Variants in WDPCP observed in about 807,000 individuals in gnomAD.
WDPCP encodes the protein WD repeat-containing and planar cell polarity effector protein fritz homolog.
WDPCP carries 71 observed loss-of-function variants against 93.1 expected under a neutral mutation model. The observed-to-expected ratio is 0.76, with a 90% CI of 0.63 to 0.93. The LOEUF (loss-of-function observed/expected upper bound fraction) is 0.93. Among genes scored for constraint, WDPCP ranks in the 40% least tolerant of loss-of-function variants. The pLI is 0.00. For missense variants in WDPCP, 844 were observed against 887.4 expected (o/e 0.95, Z 0.62); for synonymous variants, 315 against 315.0 (o/e 1.00, Z 0.00).
At chr2:63,126,307 T>C (rs909971319) in intron 17 of WDPCP, among the ~76,000 whole-genome samples, 2 of 152,186 alleles carry the variant, frequency 1.3e-5, no homozygotes, top group African/African-American at 2.4e-5. Context: ...ACTATTTGCA[T>C]GTGTTAAAAA....
chr2:63,407,849 A>C (rs1439435949), intron 9 of WDPCP, among the ~76,000 whole-genome samples: 1 of 152,218 alleles, frequency 6.6e-6, no homozygotes, highest in Non-Finnish European at 1.5e-5. Flanking sequence ...AAAGATTTGC[A>C]AAGGAAGCCT....
intron 17 of WDPCP, among the ~76,000 whole-genome samples, chr2:63,124,549 G>A (rs1236652470): frequency 6.6e-6 from 1 of 152,034 alleles, no homozygotes; most frequent in African/African-American, 2.4e-5. Flanking sequence ...GCTTTGCTTT[G>A]CTATAAACTG....
chr2:63,726,740 T>C (rs765002025), intron 2 of WDPCP, among the ~76,000 whole-genome samples: 3 of 152,182 alleles, frequency 2.0e-5, no homozygotes, highest in Admixed American at 6.5e-5. Context: ...GTAATTCTCA[T>C]TGTAGAGATC....
chr2:63,163,921 ACGC>A (rs1672795811), intron 15 of WDPCP, among the ~76,000 whole-genome samples: 2 of 152,190 alleles, frequency 1.3e-5, no homozygotes, highest in African/African-American at 4.8e-5. Context: ...AAATAAAATC[ACGC>A]CAAAATTTAA....
intron 12 of WDPCP, among the ~76,000 whole-genome samples, chr2:63,365,146 A>G (rs1465379911): frequency 6.6e-6 from 1 of 152,196 alleles, no homozygotes; most frequent in East Asian, 1.9e-4. Flanking sequence ...GTGTTGTTGT[A>G]AGGATTATAT....
At chr2:63,683,904 A>G (rs1434903378) in intron 2 of WDPCP, among the ~76,000 whole-genome samples, 1 of 152,126 alleles carries the variant, frequency 6.6e-6, no homozygotes, top group Non-Finnish European at 1.5e-5. Context: ...AAAGGGGTTA[A>G]TTCAGCAAGA....
chr2:63,837,947 T>C, the WDPCP span, among the ~76,000 whole-genome samples: 4 of 151,894 alleles, frequency 2.6e-5, no homozygotes. Flanking sequence ...CTACTAAAAA[T>C]ACAAAAACTA....
At chr2:63,821,012 A>G (rs963978671) in intron 1 of WDPCP, among the ~76,000 whole-genome samples, 7 of 152,332 alleles carry the variant, frequency 4.6e-5, no homozygotes, top group Non-Finnish European at 8.8e-5. Flanking sequence ...TATTCTTAGA[A>G]GTGAAAATGC....
intron 2 of WDPCP, among the ~76,000 whole-genome samples, chr2:63,764,702 GGGGCTTTCGTTTATTTA>G (rs1427693119): frequency 6.6e-6 from 1 of 152,138 alleles, no homozygotes; most frequent in Non-Finnish European, 1.5e-5. Context: ...TGCTGGTAAA[GGGGCTTTCGTTTATTTA>G]GGGGATGGAC....
chr2:63,429,982 C>T (rs1268672394), intron 9 of WDPCP, among the ~76,000 whole-genome samples: 1 of 57,462 alleles, frequency 1.7e-5, no homozygotes, highest in East Asian at 1.9e-3. Context: ...GTTATACACA[C>T]ACACACACAC....
At chr2:63,698,046 C>T (rs1342750253) in intron 2 of WDPCP, among the ~76,000 whole-genome samples, 2 of 151,976 alleles carry the variant, frequency 1.3e-5, no homozygotes, top group Non-Finnish European at 2.9e-5. Flanking sequence ...ACCTCCACTT[C>T]CTGGGTTCAA....
intron 13 of WDPCP, among the ~76,000 whole-genome samples, chr2:63,297,226 C>G (rs1358919960): frequency 6.6e-6 from 1 of 152,184 alleles, no homozygotes; most frequent in Non-Finnish European, 1.5e-5. Context: ...ATAGCATTTT[C>G]ACTTAACAAC....
At chr2:63,190,978 T>G (rs1389127665) in intron 14 of WDPCP, among the ~76,000 whole-genome samples, 2 of 152,226 alleles carry the variant, frequency 1.3e-5, no homozygotes, top group Non-Finnish European at 2.9e-5. Context: ...ACCTAGAATT[T>G]TGCTTTGTCT....
intron 13 of WDPCP, among the ~76,000 whole-genome samples, chr2:63,300,951 G>GCT (rs1685285423): frequency 6.6e-6 from 1 of 151,848 alleles, no homozygotes; most frequent in South Asian, 2.1e-4. Context: ...GGCATTTCCA[G>GCT]GTCTCTCTCT....
At chr2:63,657,962 A>G (rs1170566993) in intron 2 of WDPCP, among the ~76,000 whole-genome samples, 1 of 152,138 alleles carries the variant, frequency 6.6e-6, no homozygotes, top group Non-Finnish European at 1.5e-5. Context: ...AAAAGGTTCC[A>G]TCAAAGTTGC....
chr2:63,194,029 A>G (rs1487666244), intron 14 of WDPCP, among the ~76,000 whole-genome samples: 1 of 152,226 alleles, frequency 6.6e-6, no homozygotes. Context: ...TCTGTGATAT[A>G]CTAATAGCTT....
rs1692429473 is a variant in WDPCP, at chr2:63,382,890, G to A, written c.1436-796C>T. The stretch of plus-strand genomic sequence containing the variant: ...TTGTGTTGGTAAAATCAAAGAATGT[G>A]ACCGTCCAACAGCCTTCATGAGCCT... On this transcript the variant is annotated intron_variant, in intron 10 of 17. Transcript: ENST00000272321. Among the ~76,000 whole-genome samples the A allele has an allele frequency of 2.0e-5, 3 of 152,082 alleles. No individual in the cohort carries two copies. The South Asian group carries it at 6.2e-4, about 31-fold the overall frequency.
chr2:63,699,325 C>T (rs6741584), intron 2 of WDPCP, among the ~76,000 whole-genome samples: 88,979 of 152,070 alleles, frequency 0.59, 27,204 homozygotes, highest in African/African-American at 0.73. Context: ...AAAATGTCCT[C>T]GTGAAAGAAA....
chr2:63,829,903 C>T (rs186948241), upstream of WDPCP, among the ~76,000 whole-genome samples: 12 of 152,000 alleles, frequency 7.9e-5, no homozygotes, highest in Admixed American at 7.2e-4. Context: ...AAATGTAAGC[C>T]GTGTTATTAA....
Sources: gnomAD v4.1 joint callset for allele counts (sites outside exome capture counted in the v4.1 genomes callset) on GRCh38, gnomAD v4.1.1 for gene constraint, MANE v1.5 for transcripts, NCBI Gene and HGNC (gene_info 2026-07-23, HGNC 2026-07-21) for gene names.